ERCC4: variants seen among roughly 807,000 people sequenced by gnomAD.
ERCC4 encodes ERCC excision repair 4, endonuclease catalytic subunit.
Under a neutral mutation model 76.9 loss-of-function variants are expected in ERCC4, and 65 were observed. The ratio of observed to expected loss-of-function variants is 0.84; its 90% CI spans 0.69 to 1.04. The LOEUF (loss-of-function observed/expected upper bound fraction) is 1.04. ERCC4 is among the 50% of genes least tolerant of loss of function. ERCC4 has a pLI of 0.00. For synonymous variants in ERCC4, 463 were observed against 410.1 expected (o/e 1.13, Z -1.56); for missense variants, 1,214 against 1,128.2 (o/e 1.08, Z -1.09).
At chr16:13,935,816 A>T in intron 8 of ERCC4, 73 bp downstream of exon 8, 1 of 1,125,530 alleles carries the variant, frequency 8.9e-7, no homozygotes, top group Non-Finnish European at 1.4e-6. Flanking sequence ...TACCAGTTGC[A>T]TGTTAGTTTT....
chr16:13,931,054 G>T lies in ERCC4; in HGVS notation c.973+164G>T, dbSNP rs560397284. 7.7e-4 allele frequency: 493 copies of T among 641,812 alleles called. 4 individuals carry two copies. Among genetic ancestry groups the T allele is most frequent in the Middle Eastern group, 4.6e-3 (11 of 2,380 alleles). 39.8% of individuals were successfully genotyped at this position (641,812 alleles called of 1,614,324 possible). On this transcript the variant is annotated intron_variant, in intron 5 of 10. Coordinates refer to ENST00000311895, the MANE Select transcript of ERCC4 (RefSeq NM_005236.3). The stretch of plus-strand genomic sequence containing the variant: ...CACAAAGATGTAGGTTTTATTGATA[G>T]CTAATGTTTCCGCCTACTTAACGTC...
chr16:13,925,716 G>T (rs2032059502), intron 2 of ERCC4, among the ~76,000 whole-genome samples: 1 of 152,086 alleles, frequency 6.6e-6, no homozygotes, highest in South Asian at 2.1e-4. Context: ...CTTGATTTAG[G>T]TCTAAAAGAC....
intron 7 of ERCC4, chr16:13,934,542 T>C (rs754294035): frequency 1.3e-4 from 63 of 480,364 alleles, no homozygotes; most frequent in African/African-American, 3.9e-5. Flanking sequence ...GGTTGAATCA[T>C]TGTATATTCA....
In ERCC4 at chr16:13,948,010, C is replaced by G. The variant is rs1467885636; in HGVS notation, c.2414C>G (p.Ser805Cys). ...AGACTACGGATTCTCTGGTGCCCCT[C>G]TCCTCATGCAACGGCGGAGTTGTTT... is the stretch of plus-strand genomic sequence containing the variant. The part of the protein sequence containing the change: ...FPRLRILWCP[S>C]PHATAELFEE... The change falls in exon 11 of 11, where the codon TCT (serine) becomes TGT (cysteine). Residue 805 changes from serine (S) to cysteine (C), a missense_variant. By Grantham distance (112) the Ser-to-Cys change is moderately radical. Coordinates refer to ENST00000311895, the MANE Select transcript of ERCC4 (RefSeq NM_005236.3). The G allele has an allele frequency of 6.2e-7, 1 of 1,614,196 alleles. No homozygotes were observed. Among genetic ancestry groups the G allele is most frequent in the Non-Finnish European group, 8.5e-7 (1 of 1,180,032 alleles).
rs765535723 is a variant in ERCC4 at position 13,932,273 on chromosome 16, A to G, written c.1090A>G (p.Lys364Glu). 5 of 1,610,250 alleles carry G rather than the reference A, an allele frequency of 3.1e-6. No homozygotes were observed. In the East Asian group the frequency reaches 1.1e-4, roughly 36 times the overall value. Residue 364 changes from lysine to glutamate, a missense_variant, in exon 6 of 11, where the codon AAA becomes GAA. By Grantham distance (56) the Lys-to-Glu change is moderately conservative. Coordinates refer to ENST00000311895, the MANE Select transcript of ERCC4 (RefSeq NM_005236.3). ...AAAAATATCTGAAAAAATGGAAATT[A>G]AAGAAGGGGAAGGTATCTTGTGGGG... ...KEKISEKMEI[K>E]EGEETKKELV...
At chr16:13,933,093 C>T (rs767628351) in intron 6 of ERCC4, 15 of 380,404 alleles carry the variant, frequency 3.9e-5, no homozygotes, top group East Asian at 8.8e-5. Context: ...AGTAGCCTGG[C>T]GAGGTGATGT....
intron 9 of ERCC4, among the ~76,000 whole-genome samples, chr16:13,943,099 A>G (rs994254511): frequency 3.3e-5 from 5 of 152,204 alleles, no homozygotes; most frequent in African/African-American, 1.2e-4. Context: ...ATATATTTGC[A>G]TTTATAGGTT....
Position 13,937,819 on chromosome 16 carries a change from C to A in ERCC4, c.1865C>A (p.Ala622Asp). 6.2e-7 allele frequency: 1 copy of A among 1,613,530 alleles called. No individual in the cohort carries two copies. Among genetic ancestry groups the A allele is most frequent in the Non-Finnish European group, 8.5e-7 (1 of 1,179,476 alleles). Residue 622 changes from alanine to aspartate, a missense_variant, in exon 9 of 11, where the codon GCT becomes GAT. By Grantham distance (126) the Ala-to-Asp change is moderately radical (BLOSUM62 -2). Coordinates refer to ENST00000311895, the MANE Select transcript of ERCC4 (RefSeq NM_005236.3). Reference protein sequence around the residue: ...GSTEEQRYLTALRKEKEAFEK... With the variant: ...GSTEEQRYLTDLRKEKEAFEK... Reference sequence around the variant, plus strand: ...ACTGAGGAACAACGCTATCTCACTGCTTTGCGGAAAGAAAAGGAAGCTTTT... The same window carrying A: ...ACTGAGGAACAACGCTATCTCACTGATTTGCGGAAAGAAAAGGAAGCTTTT...
intron 10 of ERCC4, among the ~76,000 whole-genome samples, chr16:13,947,303 A>G (rs1350902598): frequency 6.6e-6 from 1 of 152,180 alleles, no homozygotes; most frequent in Non-Finnish European, 1.5e-5. Flanking sequence ...GAATACATTG[A>G]CCAACAAAAT....
At chr16:13,922,495 T>C (rs528508005) in intron 2 of ERCC4, 4 of 750,432 alleles carry the variant, frequency 5.3e-6, no homozygotes, top group South Asian at 1.4e-5. Context: ...GGGAAGCACA[T>C]AGGCGTCGAA....
intron 8 of ERCC4, among the ~76,000 whole-genome samples, chr16:13,936,122 C>A (rs576539684): frequency 2.0e-5 from 3 of 152,256 alleles, no homozygotes; most frequent in Admixed American, 6.5e-5. Flanking sequence ...TCTAAAATAT[C>A]TTTCCTATAA....
At chr16:13,945,358 A>G (rs561205269) in intron 10 of ERCC4, among the ~76,000 whole-genome samples, 2 of 152,272 alleles carry the variant, frequency 1.3e-5, no homozygotes, top group South Asian at 2.1e-4. Context: ...ATTGCTGTGC[A>G]GTGTCCAAAC....
intron 10 of ERCC4, 75 bp from the exon 11 acceptor site, chr16:13,947,539 A>T: frequency 6.9e-7 from 1 of 1,446,572 alleles, no homozygotes; most frequent in Non-Finnish European, 9.7e-7. Flanking sequence ...CAACAGAAAC[A>T]TCGATTTTTA....
rs912480692 is a variant in ERCC4, at chr16:13,935,401, G to A, written c.1469G>A (p.Arg490Gln). 1.9e-6 allele frequency: 3 copies of A among 1,609,500 alleles called. No homozygotes were observed. Among genetic ancestry groups the A allele is most frequent in the Non-Finnish European group, 1.7e-6 (2 of 1,178,882 alleles). Residue 490 changes from arginine (R) to glutamine (Q), a missense_variant, in exon 8 of 11, where the codon CGG becomes CAG. Arg to Gln is a conservative substitution (Grantham distance 43). Transcript: ENST00000311895. Reference sequence around the variant, plus strand: ...GAAAGAACCCTCAAAAAGAAAAAACGGAAGTTGACCTTAACTCAAATGGTA... The same window carrying A: ...GAAAGAACCCTCAAAAAGAAAAAACAGAAGTTGACCTTAACTCAAATGGTA... ...TKERTLKKKK[R>Q]KLTLTQMVGK...
chr16:13,936,084 CTG>C (rs757026150), intron 8 of ERCC4, among the ~76,000 whole-genome samples: 23 of 152,292 alleles, frequency 1.5e-4, no homozygotes, highest in Non-Finnish European at 2.4e-4. Flanking sequence ...GTTAATATAA[CTG>C]TGACTCGGCT....
rs780996067 is a variant in ERCC4 at position 13,935,540 on chromosome 16, A to G, written c.1608A>G (p.Val536=). 1 of 1,614,216 alleles carries G rather than the reference A, an allele frequency of 6.2e-7. No homozygotes were observed. Among genetic ancestry groups the G allele is most frequent in the Non-Finnish European group, 8.5e-7 (1 of 1,180,028 alleles). ...PEEIKHEEFD[V]NLSSDAAFGI... ...AAATTAAGCATGAAGAATTTGATGT[A>G]AATTTGTCATCGGATGCTGCTTTCG... The change falls in exon 8 of 11, where the codon GTA becomes GTG. Residue 536 remains valine, a synonymous_variant. Transcript: ENST00000311895.
rs1455324154 is a variant in ERCC4 at position 13,949,599 on chromosome 16, G to A, written c.*1252G>A. The A allele has an allele frequency of 4.3e-6, 1 of 232,482 alleles. No homozygotes were observed. Among genetic ancestry groups the A allele is most frequent in the Non-Finnish European group, 8.5e-6 (1 of 117,750 alleles). The allele number at this position is 232,482 out of a possible 1,614,324, so 14.4% of individuals were successfully genotyped here. A position where few individuals can be genotyped will look rare whatever the true frequency, so the allele number is the denominator to read the frequency against. On this transcript the variant is annotated 3_prime_UTR_variant, in exon 11 of 11. Coordinates refer to ENST00000311895, the MANE Select transcript of ERCC4 (RefSeq NM_005236.3). ...GAGTGTAGGTAAATGAAAGATCAAT[G>A]TATGGAATATATAAAAATACGAAAG...
At chr16:13,932,565 A>G in intron 6 of ERCC4, 1 of 536,682 alleles carries the variant, frequency 1.9e-6, no homozygotes, top group Non-Finnish European at 3.3e-6. Context: ...AGTATGCTAC[A>G]TGAGGAGCTA....
At chr16:13,937,068 T>C (rs1026225510) in intron 8 of ERCC4, among the ~76,000 whole-genome samples, 5 of 149,510 alleles carry the variant, frequency 3.3e-5, no homozygotes, top group African/African-American at 1.2e-4. Flanking sequence ...TACAGGCATG[T>C]GCCACCATGC....
Sources: allele counts gnomAD v4.1 joint callset (sites outside exome capture counted in the v4.1 genomes callset), GRCh38; gene constraint gnomAD v4.1.1; transcripts MANE v1.5; gene names NCBI Gene and HGNC (gene_info 2026-07-23, HGNC 2026-07-21).